SERINC5: variants seen among roughly 807,000 people sequenced by gnomAD.
The protein encoded by SERINC5 is serine incorporator 5.
In SERINC5, 41 loss-of-function variants were observed where a neutral mutation model predicts 63.1. The ratio of observed to expected loss-of-function variants is 0.65; its 90% CI spans 0.51 to 0.84. SERINC5 has a LOEUF of 0.84. Ranked by LOEUF, SERINC5 falls within the 40% of genes least tolerant of loss-of-function variation. The pLI is 0.00. For synonymous variants in SERINC5, 222 were observed against 215.2 expected, an observed-to-expected ratio of 1.03 and a Z score of -0.28; for missense variants, 523 against 573.0, an observed-to-expected ratio of 0.91 and a Z score of 0.89.
intron 11 of SERINC5, among the ~76,000 whole-genome samples, chr5:80,121,778 C>G (rs546154293): frequency 1.3e-5 from 2 of 152,288 alleles, no homozygotes; most frequent in South Asian, 4.2e-4. Context: ...AGGTGTGTCA[C>G]ATGGCGACAG....
chr5:80,218,856 G>A (rs6895353), intron 1 of SERINC5, among the ~76,000 whole-genome samples: 99,882 of 151,582 alleles, frequency 0.66, 33,271 homozygotes, highest in African/African-American at 0.73. Flanking sequence ...AGGGCTCACT[G>A]CTCAAAAGAA....
chr5:80,181,416 T>TTGTGTGTGTGTGTGTGTGTGTGTGTGTG (rs70982028), intron 2 of SERINC5, among the ~76,000 whole-genome samples: 9 of 145,346 alleles, frequency 6.2e-5, no homozygotes, highest in African/African-American at 2.3e-4. Flanking sequence ...TCAGCTAATT[T>TTGTGTGTGTGTGTGTGTGTGTGTGTGTG]TGTGTGTGTG....
chr5:80,131,606 G>C (rs1041229708), intron 11 of SERINC5, among the ~76,000 whole-genome samples: 1 of 152,188 alleles, frequency 6.6e-6, no homozygotes, highest in South Asian at 2.1e-4. Flanking sequence ...AGTGGGCAAA[G>C]AGGGTAGTTG....
At chr5:80,217,046 C>A (rs1019154422) in intron 1 of SERINC5, among the ~76,000 whole-genome samples, 1 of 151,586 alleles carries the variant, frequency 6.6e-6, no homozygotes, top group Admixed American at 6.6e-5. Flanking sequence ...AGTAAAAACT[C>A]GTTTCATTTA....
At chr5:80,255,160 G>A (rs918089315) in intron 1 of SERINC5, 3 of 152,226 alleles carry the variant, frequency 2.0e-5, no homozygotes, top group African/African-American at 7.2e-5. Flanking sequence ...CTACACTGAT[G>A]CAGTAACTGG....
rs76023256 is a variant in SERINC5 at position 80,246,847 on chromosome 5, T to C, written c.27+9049A>G. 2.0e-5 allele frequency among the ~76,000 whole-genome samples: 3 copies of C among 152,206 alleles called. No homozygotes were observed. In the East Asian group the frequency reaches 5.8e-4, roughly 29 times the overall value. ...TATTCTCACTGTAAATGTTTTAAAA[T>C]ACATTTTAAGCAGGGCAGCAAAGGT... On this transcript the variant is annotated intron_variant, in intron 1 of 11. Coordinates refer to ENST00000507668, the MANE Select transcript of SERINC5 (RefSeq NM_001174072.3).
At chr5:80,212,984 C>A (rs747414586) in intron 1 of SERINC5, among the ~76,000 whole-genome samples, 5 of 152,196 alleles carry the variant, frequency 3.3e-5, no homozygotes, top group Admixed American at 6.5e-5. Flanking sequence ...GTGGTTCACA[C>A]CTGTAATCCC....
intron 1 of SERINC5, among the ~76,000 whole-genome samples, chr5:80,218,327 G>A (rs1421377325): frequency 6.6e-6 from 1 of 152,154 alleles, no homozygotes; most frequent in Non-Finnish European, 1.5e-5. Context: ...GATCACCTGA[G>A]GTCGGAAGTT....
At chr5:80,243,884 T>C (rs1168996891) in intron 1 of SERINC5, among the ~76,000 whole-genome samples, 1 of 151,634 alleles carries the variant, frequency 6.6e-6, no homozygotes. Context: ...GTTGATGAGA[T>C]TCCACAAACT....
intron 5 of SERINC5, among the ~76,000 whole-genome samples, chr5:80,172,221 T>C (rs1747715880): frequency 6.6e-6 from 1 of 151,976 alleles, no homozygotes; most frequent in African/African-American, 2.4e-5. Context: ...TCCCAGCTAC[T>C]TGAGTGGCTG....
chr5:80,141,539 G>C lies in SERINC5; in HGVS notation c.*2124C>G, dbSNP rs886103866. The C allele has an allele frequency of 1.0e-6, 1 of 985,326 alleles. No individual in the cohort carries two copies. Among genetic ancestry groups the C allele is most frequent in the Non-Finnish European group, 1.2e-6 (1 of 829,958 alleles). The allele number at this position is 985,326 out of a possible 1,614,324, so 61.0% of individuals were successfully genotyped here. ...CAAGGGCTCTGCTAGACCTCAGCAGGAGGAAAACAATGAAACTAGTCACAA... is the reference window on the plus strand; with the variant it reads ...CAAGGGCTCTGCTAGACCTCAGCAGCAGGAAAACAATGAAACTAGTCACAA... On this transcript the variant is annotated 3_prime_UTR_variant, in exon 12 of 12. Coordinates refer to ENST00000507668, the MANE Select transcript of SERINC5 (RefSeq NM_001174072.3).
chr5:80,199,167 T>C lies in SERINC5; in HGVS notation c.195+3719A>G, dbSNP rs1749678015. Among the ~76,000 whole-genome samples the C allele has an allele frequency of 2.0e-5, 3 of 152,208 alleles. No homozygotes were observed. In the South Asian group the frequency reaches 6.2e-4, roughly 31 times the overall value. On this transcript the variant is annotated intron_variant, in intron 2 of 11. Coordinates refer to ENST00000507668, the MANE Select transcript of SERINC5 (RefSeq NM_001174072.3). ...TTCACCTCGCCTCACCTCTTGGTCCTTCTCCACCTGCCTCTCCCTCCTCTC... is the reference window on the plus strand; with the variant it reads ...TTCACCTCGCCTCACCTCTTGGTCCCTCTCCACCTGCCTCTCCCTCCTCTC...
intron 1 of SERINC5, among the ~76,000 whole-genome samples, chr5:80,236,369 G>C (rs1266095426): frequency 6.6e-6 from 1 of 152,038 alleles, no homozygotes; most frequent in Non-Finnish European, 1.5e-5. Context: ...CCTATCATTA[G>C]AACTGGCTCT....
intron 12 of SERINC5, among the ~76,000 whole-genome samples, chr5:80,111,962 C>A (rs1001260105): frequency 6.6e-6 from 1 of 152,178 alleles, no homozygotes; most frequent in African/African-American, 2.4e-5. Context: ...TGGTAAAAGT[C>A]ATCGCCATTC....
In SERINC5 at chr5:80,169,504, C is replaced by T. The variant is rs1478601966; in HGVS notation, c.594G>A (p.Leu198=). The T allele has an allele frequency of 4.3e-6, 7 of 1,613,794 alleles. No homozygotes were observed. In the African/African-American group the frequency reaches 8.0e-5, roughly 18 times the overall value. ...AATACATGATGAGCGTCACCAGGGCCAGGGAGGCGTACCACAGCTTGTTAC... is the reference window on the plus strand; with the variant it reads ...AATACATGATGAGCGTCACCAGGGCTAGGGAGGCGTACCACAGCTTGTTAC... ...TASNKLWYAS[L]ALVTLIMYSI... Residue 198 remains leucine, a synonymous_variant, in exon 6 of 12, where the codon CTG becomes CTA. Transcript: ENST00000507668.
intron 1 of SERINC5, among the ~76,000 whole-genome samples, chr5:80,234,248 G>T (rs1751586831): frequency 6.6e-6 from 1 of 152,116 alleles, no homozygotes; most frequent in Non-Finnish European, 1.5e-5. Context: ...CAGCCAGCTG[G>T]AGCACTTGAC....
chr5:80,166,095 G>A (rs1317383321), intron 7 of SERINC5, among the ~76,000 whole-genome samples: 1 of 152,082 alleles, frequency 6.6e-6, no homozygotes, highest in South Asian at 2.1e-4. Flanking sequence ...CTGATCTTTT[G>A]TGTTATACAA....
intron 2 of SERINC5, among the ~76,000 whole-genome samples, chr5:80,190,752 A>G (rs1354003846): frequency 6.6e-6 from 1 of 152,204 alleles, no homozygotes; most frequent in Non-Finnish European, 1.5e-5. Context: ...ATAGGACTCT[A>G]CACCAAACCT....
At chr5:80,229,145 T>C (rs138827487) in intron 1 of SERINC5, among the ~76,000 whole-genome samples, 4,968 of 145,014 alleles carry the variant, frequency 0.034, 246 homozygotes, top group African/African-American at 0.12. Flanking sequence ...TGCCTCAGCC[T>C]CCCCAGTAGC....
Sources: allele counts gnomAD v4.1 joint callset (sites outside exome capture counted in the v4.1 genomes callset), GRCh38; gene constraint gnomAD v4.1.1; transcripts MANE v1.5; gene names NCBI Gene and HGNC (gene_info 2026-07-23, HGNC 2026-07-21).